The following ELAVL1 variants were observed in gnomAD, a reference collection of about 807,000 sequenced individuals.
ELAVL1 encodes ELAV-like protein 1.
A neutral mutation model predicts 28.4 loss-of-function variants in ELAVL1; 1 was observed. The observed-to-expected ratio is 0.04, with a 90% CI of 0.01 to 0.17. ELAVL1 has a LOEUF of 0.17. Among genes scored for constraint, ELAVL1 ranks in the 10% least tolerant of loss-of-function variants. ELAVL1 has a pLI of 1.00. For missense variants in ELAVL1, 157 were observed against 447.2 expected, an observed-to-expected ratio of 0.35 and a Z score of 5.85; for synonymous variants, 174 against 183.5, an observed-to-expected ratio of 0.95 and a Z score of 0.42.
intron 3 of ELAVL1, among the ~76,000 whole-genome samples, chr19:7,976,159 T>C (rs1985279058): frequency 6.6e-6 from 1 of 151,616 alleles, no homozygotes; most frequent in Admixed American, 6.6e-5. Context: ...TCCCAGCACT[T>C]TGGGAGGCCG....
At chr19:7,968,014 C>T (rs1043200027) in intron 4 of ELAVL1, among the ~76,000 whole-genome samples, 1 of 152,232 alleles carries the variant, frequency 6.6e-6, no homozygotes, top group African/African-American at 2.4e-5. Context: ...GAAGCCATGA[C>T]TCCACAGTGT....
At chr19:7,975,926 C>G (rs1345716869) in intron 3 of ELAVL1, among the ~76,000 whole-genome samples, 1 of 151,892 alleles carries the variant, frequency 6.6e-6, no homozygotes, top group African/African-American at 2.4e-5. Context: ...TGGCAAGACC[C>G]CATCTCTACA....
intron 1 of ELAVL1, 56 bp from the exon 2 acceptor site, chr19:7,991,887 G>A (rs1985760580): frequency 1.5e-6 from 2 of 1,357,160 alleles, no homozygotes; most frequent in East Asian, 2.5e-5. Flanking sequence ...AGTATATGAA[G>A]GCAAAACTAG....
intron 3 of ELAVL1, among the ~76,000 whole-genome samples, chr19:7,977,232 C>T (rs934504332): frequency 2.6e-5 from 4 of 152,148 alleles, no homozygotes; most frequent in Non-Finnish European, 5.9e-5. Flanking sequence ...GTTCCTGAGG[C>T]TTGGATCTCA....
At chr19:7,995,598 C>T (rs1360594205) in intron 1 of ELAVL1, among the ~76,000 whole-genome samples, 2 of 152,122 alleles carry the variant, frequency 1.3e-5, no homozygotes, top group African/African-American at 4.8e-5. Context: ...TACAATAACA[C>T]AGTTAAGTAG....
intron 5 of ELAVL1, among the ~76,000 whole-genome samples, chr19:7,964,280 G>A (rs540082911): frequency 5.9e-5 from 9 of 152,234 alleles, no homozygotes; most frequent in African/African-American, 1.9e-4. Flanking sequence ...GCCCCCAAGC[G>A]TTGACAGCCC....
intron 2 of ELAVL1, among the ~76,000 whole-genome samples, chr19:7,991,145 T>G (rs1985740756): frequency 6.6e-6 from 1 of 152,190 alleles, no homozygotes; most frequent in Non-Finnish European, 1.5e-5. Flanking sequence ...GTGTTGACAG[T>G]AGACAGAGCA....
chr19:7,973,711 G>A lies in ELAVL1; in HGVS notation c.430+14C>T, dbSNP rs1437259310. 12 of 1,609,972 alleles carry A rather than the reference G, an allele frequency of 7.5e-6. No individual in the cohort carries two copies. The highest frequency in any genetic ancestry group is 1.0e-5 in the Non-Finnish European group (12 of 1,177,048). On this transcript the variant is annotated intron_variant, in intron 4 of 5. Transcript: ENST00000407627. ...GAGAACACCCTCCCCACGCGTCTGG[G>A]GCCCCTCTGGTACCTGTAGTCTGAT...
chr19:7,964,973 C>T (rs952529869), intron 5 of ELAVL1, among the ~76,000 whole-genome samples: 4 of 152,238 alleles, frequency 2.6e-5, no homozygotes, highest in African/African-American at 9.6e-5. Flanking sequence ...CAGCCAAGCG[C>T]AGCCCTGCAG....
At chr19:7,992,546 A>G (rs977942518) in intron 1 of ELAVL1, among the ~76,000 whole-genome samples, 8 of 152,180 alleles carry the variant, frequency 5.3e-5, no homozygotes, top group African/African-American at 1.7e-4. Flanking sequence ...GAGGCACACT[A>G]CAGAGAAAAA....
chr19:7,959,685 G>C lies in ELAVL1; in HGVS notation c.*3798C>G, dbSNP rs1330416148. ...GAAATGTGAACCCTGCCTGGGATCCGAGATTCAGATTCTACTGCCATCATT... is the reference window on the plus strand; with the variant it reads ...GAAATGTGAACCCTGCCTGGGATCCCAGATTCAGATTCTACTGCCATCATT... On this transcript the variant is annotated 3_prime_UTR_variant, in exon 6 of 6. Transcript: ENST00000407627. 2 of 152,196 alleles carry C rather than the reference G, an allele frequency of 1.3e-5. No individual in the cohort carries two copies. The highest frequency in any genetic ancestry group is 4.8e-5 in the African/African-American group (2 of 41,444). 9.4% of individuals were successfully genotyped at this position (152,196 alleles called of 1,614,324 possible).
At position 7,961,208 on chromosome 19, in the gene ELAVL1, A is replaced by T; in HGVS notation, c.*2275T>A. ...GTGCTACAAGCCCGTCATCATTTTCACAGTTGAAGCTTAAGACAGAGTTCT... is the reference window on the plus strand; with the variant it reads ...GTGCTACAAGCCCGTCATCATTTTCTCAGTTGAAGCTTAAGACAGAGTTCT... On this transcript the variant is annotated 3_prime_UTR_variant, in exon 6 of 6. Transcript: ENST00000407627. The T allele has an allele frequency of 6.6e-6, 1 of 152,172 alleles. No individual in the cohort carries two copies. The highest frequency in any genetic ancestry group is 1.9e-4 in the East Asian group (1 of 5,200). 9.4% of individuals were successfully genotyped at this position (152,172 alleles called of 1,614,324 possible).
At position 7,963,738 on chromosome 19, in the gene ELAVL1, G is replaced by A. The variant is rs182490610; in HGVS notation, c.726C>T (p.Ser242=). The stretch of plus-strand genomic sequence containing the variant: ...GGTTGTAGATGAAAATGCACCAGCC[G>A]GAGGAGGCGTTTCCTGGCACGTTGA... ...SGVNVPGNAS[S]GWCIFIYNLG... The change falls in exon 6 of 6, where the codon TCC becomes TCT. Residue 242 remains serine (S), a synonymous_variant. Coordinates refer to ENST00000407627, the MANE Select transcript of ELAVL1 (RefSeq NM_001419.3). This position sits in a 1 kb window ranked among gnomAD's most constrained non-coding sequence, Gnocchi z 4.5. 45 of 1,614,256 alleles carry A rather than the reference G, an allele frequency of 2.8e-5. No homozygotes were observed. The highest frequency in any genetic ancestry group is 1.2e-4 in the Admixed American group (7 of 60,030).
chr19:7,983,507 A>G (rs1985520887), intron 2 of ELAVL1, among the ~76,000 whole-genome samples: 1 of 152,302 alleles, frequency 6.6e-6, no homozygotes, highest in Non-Finnish European at 1.5e-5. Context: ...CTCTGGGGTC[A>G]GGGATTCCTG....
chr19:7,994,344 C>T (rs1985825980), intron 1 of ELAVL1, among the ~76,000 whole-genome samples: 1 of 152,190 alleles, frequency 6.6e-6, no homozygotes, highest in Admixed American at 6.5e-5. Flanking sequence ...AGTCAGAGAG[C>T]TGTAAAGCAT....
chr19:7,988,513 G>A (rs1985664622), intron 2 of ELAVL1, among the ~76,000 whole-genome samples: 1 of 152,216 alleles, frequency 6.6e-6, no homozygotes, highest in African/African-American at 2.4e-5. Flanking sequence ...GTGGGAGGAG[G>A]AGGTGCTCCT....
At chr19:7,966,649 T>TCA (rs1363732566) in intron 5 of ELAVL1, among the ~76,000 whole-genome samples, 1 of 152,236 alleles carries the variant, frequency 6.6e-6, no homozygotes, top group Non-Finnish European at 1.5e-5. Flanking sequence ...AGAAAGGGTC[T>TCA]CACTCTATCA....
chr19:7,973,290 G>A (rs1985173450), intron 4 of ELAVL1: 1 of 262,512 alleles, frequency 3.8e-6, no homozygotes, highest in Non-Finnish European at 7.1e-6. Context: ...GAGTGCAGTG[G>A]CAAGACCTCG....
intron 3 of ELAVL1, among the ~76,000 whole-genome samples, chr19:7,974,895 A>T (rs1430659082): frequency 6.6e-6 from 1 of 152,182 alleles, no homozygotes; most frequent in Non-Finnish European, 1.5e-5. Flanking sequence ...CATGTTCCAG[A>T]GAAGGAACAA....
Sources: allele counts gnomAD v4.1 joint callset (sites outside exome capture counted in the v4.1 genomes callset), GRCh38; gene constraint gnomAD v4.1.1; non-coding constraint Gnocchi (gnomAD v3.1); transcripts MANE v1.5; gene names NCBI Gene and HGNC (gene_info 2026-07-23, HGNC 2026-07-21).